Variants in KLHL22 observed in about 807,000 individuals in gnomAD.
The protein encoded by KLHL22 is kelch-like protein 22.
Under a neutral mutation model 60.7 loss-of-function variants are expected in KLHL22, and 18 were observed. The observed-to-expected ratio is 0.30, with a 90% CI of 0.20 to 0.44. The LOEUF (loss-of-function observed/expected upper bound fraction) is 0.44, where lower values mean the gene tolerates loss of function less well. Among genes scored for constraint, KLHL22 ranks in the 20% least tolerant of loss-of-function variants. KLHL22 has a pLI of 1.00. For missense variants in KLHL22, 596 were observed against 852.3 expected, an observed-to-expected ratio of 0.70 and a Z score of 3.74; for synonymous variants, 355 against 354.5, an observed-to-expected ratio of 1.00 and a Z score of -0.01.
At chr22:20,480,911 G>A (rs916971212) in intron 2 of KLHL22, among the ~76,000 whole-genome samples, 3 of 147,130 alleles carry the variant, frequency 2.0e-5, no homozygotes, top group Non-Finnish European at 4.5e-5. Flanking sequence ...GGCTCACTGC[G>A]AGCTCCGCCT....
At chr22:20,463,321 C>T (rs1472663870) in intron 4 of KLHL22, among the ~76,000 whole-genome samples, 3 of 152,178 alleles carry the variant, frequency 2.0e-5, no homozygotes, top group Non-Finnish European at 2.9e-5. Flanking sequence ...CAGCTTTGGT[C>T]TCACACCCCT....
intron 2 of KLHL22, among the ~76,000 whole-genome samples, chr22:20,485,004 G>A (rs796428317): frequency 9.1e-4 from 139 of 152,170 alleles, no homozygotes; most frequent in African/African-American, 3.3e-3. Flanking sequence ...AAAACATCTG[G>A]GCTTTGTGTT....
At chr22:20,454,052 G>T (rs1041037380) in intron 5 of KLHL22, among the ~76,000 whole-genome samples, 2 of 152,178 alleles carry the variant, frequency 1.3e-5, no homozygotes, top group African/African-American at 2.4e-5. Flanking sequence ...AAAATTTTAG[G>T]CTGGATGTGA....
chr22:20,475,211 A>G (rs1430885490), intron 2 of KLHL22: 2 of 145,344 alleles, frequency 1.4e-5, no homozygotes, highest in African/African-American at 2.6e-5. Flanking sequence ...AAACAAGTCT[A>G]GTCAACTGCA....
At chr22:20,450,780 T>C (rs1601327997) in intron 5 of KLHL22, 2 of 1,347,960 alleles carry the variant, frequency 1.5e-6, no homozygotes, top group Non-Finnish European at 2.1e-6. Context: ...TGCTACAGTA[T>C]ATGCAGATGC....
At chr22:20,489,916 A>T in intron 1 of KLHL22, 1 of 394,672 alleles carries the variant, frequency 2.5e-6, no homozygotes, top group South Asian at 1.9e-5. Flanking sequence ...ATTCATCTGC[A>T]TTGCCTTTTA....
intron 2 of KLHL22, among the ~76,000 whole-genome samples, chr22:20,472,521 T>C (rs2053344137): frequency 6.6e-6 from 1 of 151,258 alleles, no homozygotes; most frequent in Admixed American, 6.6e-5. Context: ...AGGTCAGGAG[T>C]TCAAGACCAG....
chr22:20,479,373 T>C (rs1322446996), intron 2 of KLHL22, among the ~76,000 whole-genome samples: 1 of 152,080 alleles, frequency 6.6e-6, no homozygotes, highest in Non-Finnish European at 1.5e-5. Context: ...ATGACCACTA[T>C]AAAAAAACAA....
Position 20,476,657 on chromosome 22 carries a change from CCCGCCT to C in KLHL22, c.228-5148_228-5143del, listed in dbSNP as rs199644377. ...CTCGATCTCCTGACCTCATGATCCGCCCGCCTCGGCCTCCCAAAGTGCTGGTATTAC... is the reference window on the plus strand; with the variant it reads ...CTCGATCTCCTGACCTCATGATCCGCCGGCCTCCCAAAGTGCTGGTATTAC... On this transcript the variant is annotated intron_variant, in intron 2 of 6. Transcript: ENST00000328879. 1.4e-3 allele frequency among the ~76,000 whole-genome samples: 216 copies of C among 151,472 alleles called. 5 individuals are homozygous for C. In the East Asian group the frequency reaches 0.039, roughly 27 times the overall value.
chr22:20,457,881 T>C lies in KLHL22; in HGVS notation c.1232A>G (p.Asn411Ser), dbSNP rs1005441072. 8.7e-6 allele frequency: 14 copies of C among 1,612,436 alleles called. No homozygotes were observed. The highest frequency in any genetic ancestry group is 1.6e-4 in the Middle Eastern group (1 of 6,080). ...GTAGCGCTCCACAGCATTCAGGTCA[T>C]TGTGGTAGTCACGGCCCGCCACAGC... Reference protein sequence around the residue: ...IYAVAGRDYHNDLNAVERYDP... With the variant: ...IYAVAGRDYHSDLNAVERYDP... Residue 411 changes from asparagine to serine, a missense_variant, in exon 5 of 7, where the codon AAT becomes AGT. Asn to Ser is a conservative substitution (Grantham distance 46). Coordinates refer to ENST00000328879, the MANE Select transcript of KLHL22 (RefSeq NM_032775.4).
In KLHL22 at chr22:20,471,341, A is replaced by G. The variant is rs1205853036; in HGVS notation, c.393+9T>C. The G allele has an allele frequency of 6.2e-7, 1 of 1,612,528 alleles. No individual in the cohort carries two copies. The highest frequency in any genetic ancestry group is 8.5e-7 in the Non-Finnish European group (1 of 1,179,102). The stretch of plus-strand genomic sequence containing the variant: ...GTGGGTCTGCCTTGCTAGATGAGAC[A>G]TGCCTCACCTGAAGCTGGCAGGCAG... On this transcript the variant is annotated intron_variant, in intron 3 of 6. Transcript: ENST00000328879.
At chr22:20,458,760 C>A (rs970228991) in intron 4 of KLHL22, among the ~76,000 whole-genome samples, 8 of 152,108 alleles carry the variant, frequency 5.3e-5, no homozygotes, top group Admixed American at 6.5e-5. Flanking sequence ...TCAACAGCCG[C>A]ACACACAAGG....
chr22:20,473,765 C>T (rs978595130), intron 2 of KLHL22, among the ~76,000 whole-genome samples: 105 of 152,170 alleles, frequency 6.9e-4, no homozygotes, highest in African/African-American at 2.5e-3. Flanking sequence ...ATCCCAGCTA[C>T]TCAGGAGGCT....
intron 1 of KLHL22, 23 bp from the exon 2 acceptor site, chr22:20,489,267 ACAGGGGTGAG>A (rs754748785): frequency 1.3e-6 from 2 of 1,579,748 alleles, no homozygotes; most frequent in South Asian, 2.2e-5. Context: ...AAAACAGGGG[ACAGGGGTGAG>A]CAGGCAGGCA....
Position 20,489,034 on chromosome 22 carries a change from G to C in KLHL22, c.178C>G (p.His60Asp). 1 of 1,614,074 alleles carries C rather than the reference G, an allele frequency of 6.2e-7. No homozygotes were observed. The highest frequency in any genetic ancestry group is 8.5e-7 in the Non-Finnish European group (1 of 1,180,042). The change falls in exon 2 of 7, where the codon CAC becomes GAC. Residue 60 changes from histidine to aspartate, a missense_variant. Coordinates refer to ENST00000328879, the MANE Select transcript of KLHL22 (RefSeq NM_032775.4). ...AGCAGGATGCGATGGGCCTCGATGT[G>C]TCTGCCCTCCACCACCAGCACAACA... ...FDVVLVVEGR[H>D]IEAHRILLAA... is the part of the protein sequence containing the mutation.
At chr22:20,478,310 ATTATCCTAC>A (rs1270119973) in intron 2 of KLHL22, among the ~76,000 whole-genome samples, 1 of 150,068 alleles carries the variant, frequency 6.7e-6, no homozygotes, top group African/African-American at 2.5e-5. Flanking sequence ...GGTTCAAGCA[ATTATCCTAC>A]CTCAGTCTCC....
At chr22:20,454,635 C>T (rs938262261) in intron 5 of KLHL22, among the ~76,000 whole-genome samples, 1 of 152,000 alleles carries the variant, frequency 6.6e-6, no homozygotes, top group Non-Finnish European at 1.5e-5. Flanking sequence ...CTTAATAGTA[C>T]AAAAAACCTT....
At chr22:20,461,537 A>C in intron 4 of KLHL22, among the ~76,000 whole-genome samples, 1 of 115,838 alleles carries the variant, frequency 8.6e-6, no homozygotes. Context: ...TGGGTGACAG[A>C]GAGACTCCAA....
chr22:20,479,044 G>C (rs1387269500), intron 2 of KLHL22, among the ~76,000 whole-genome samples: 1 of 151,528 alleles, frequency 6.6e-6, no homozygotes, highest in Non-Finnish European at 1.5e-5. Flanking sequence ...AACAAGAATT[G>C]CTTGAACCTG....
Sources: gnomAD v4.1 joint callset for allele counts (sites outside exome capture counted in the v4.1 genomes callset) on GRCh38, gnomAD v4.1.1 for gene constraint, MANE v1.5 for transcripts, NCBI Gene and HGNC (gene_info 2026-07-23, HGNC 2026-07-21) for gene names.